The following CHM variants were observed in gnomAD, a reference collection of about 807,000 sequenced individuals.
CHM encodes the protein CHM Rab escort protein.
In CHM, 10 loss-of-function variants were observed where a neutral mutation model predicts 49.0. That is an observed-to-expected ratio of 0.20 (90% CI 0.13 to 0.35). The LOEUF (loss-of-function observed/expected upper bound fraction) is 0.35. CHM is among the 10% of genes least tolerant of loss of function. The pLI is 1.00. For missense variants in CHM, 455 were observed against 478.4 expected (o/e 0.95, Z 0.46); for synonymous variants, 184 against 167.5 (o/e 1.10, Z -0.76).
At chrX:86,022,603 G>C (rs1933653427) in intron 2 of CHM, among the ~76,000 whole-genome samples, 1 of 110,801 alleles carries the variant, frequency 9.0e-6, no homozygotes, top group African/African-American at 3.3e-5. Flanking sequence ...TGCCTGTTTT[G>C]TGTTTCACTA....
At chrX:85,977,712 G>A (rs764924149) in intron 4 of CHM, among the ~76,000 whole-genome samples, 1 of 111,785 alleles carries the variant, frequency 8.9e-6, no homozygotes, top group African/African-American at 3.2e-5. Flanking sequence ...TTCAGCACTG[G>A]CTCTGAAGAA....
chrX:86,014,562 T>G (rs1405939601), intron 2 of CHM, among the ~76,000 whole-genome samples: 1 of 112,797 alleles, frequency 8.9e-6, no homozygotes, highest in Non-Finnish European at 1.9e-5. Context: ...GAAGGTGAAA[T>G]CAAGACACTG....
intron 4 of CHM, among the ~76,000 whole-genome samples, chrX:85,976,070 T>A (rs1931238364): frequency 8.9e-6 from 1 of 112,026 alleles, no homozygotes; most frequent in Non-Finnish European, 1.9e-5. Context: ...TCATTTTTAA[T>A]ACTCATCTTT....
intron 7 of CHM, 86 bp downstream of exon 7, chrX:85,957,769 T>A: frequency 9.0e-7 from 1 of 1,113,559 alleles, no homozygotes; most frequent in Non-Finnish European, 1.2e-6. Context: ...AAAACAGTAA[T>A]AAGTGGCTCA....
rs185251868 is a variant in CHM, at chrX:85,887,679, C to T, written c.1510+6509G>A. 2.7e-5 allele frequency among the ~76,000 whole-genome samples: 3 copies of T among 111,226 alleles called. No homozygotes were observed. The East Asian group carries it at 8.6e-4, about 32-fold the overall frequency. ...ATAGATAGTTGTTTAATGGCTTTGA[C>T]CAAAATGTTGATAATGATATGGACA... On this transcript the variant is annotated intron_variant, in intron 12 of 14. Coordinates refer to ENST00000357749, the MANE Select transcript of CHM (RefSeq NM_000390.4).
intron 8 of CHM, among the ~76,000 whole-genome samples, chrX:85,913,266 A>T (rs1927170194): frequency 2.2e-5 from 2 of 89,525 alleles, no homozygotes; most frequent in African/African-American, 4.1e-5. Flanking sequence ...CAGTGAGCTG[A>T]GATTGTGCCA....
At chrX:85,979,420 G>T (rs1931470529) in intron 3 of CHM, among the ~76,000 whole-genome samples, 1 of 110,891 alleles carries the variant, frequency 9.0e-6, no homozygotes, top group Non-Finnish European at 1.9e-5. Flanking sequence ...ATAACTAAGG[G>T]CTTTATAATA....
At chrX:85,947,766 C>T (rs1369483330) in intron 8 of CHM, among the ~76,000 whole-genome samples, 2 of 112,048 alleles carry the variant, frequency 1.8e-5, no homozygotes, top group African/African-American at 6.5e-5. Flanking sequence ...ACACAATTTC[C>T]TATAAATCTC....
At chrX:85,973,023 G>A (rs765151712) in intron 4 of CHM, among the ~76,000 whole-genome samples, 17 of 110,846 alleles carry the variant, frequency 1.5e-4, no homozygotes, top group Non-Finnish European at 2.3e-4. Flanking sequence ...ACCATAGGCC[G>A]GGCGCGGTGG....
At chrX:85,980,722 A>G (rs980003460) in intron 3 of CHM, among the ~76,000 whole-genome samples, 5 of 111,832 alleles carry the variant, frequency 4.5e-5, no homozygotes, top group African/African-American at 1.6e-4. Context: ...ACCAATCTGC[A>G]TAAGAGTAGG....
intron 1 of CHM, among the ~76,000 whole-genome samples, chrX:86,043,640 G>A (rs751030274): frequency 1.6e-3 from 181 of 110,643 alleles, no homozygotes; most frequent in African/African-American, 4.6e-3. Flanking sequence ...GGGAGGCTGA[G>A]GTTTCAAACT....
intron 3 of CHM, among the ~76,000 whole-genome samples, chrX:85,980,528 AAATC>A (rs1931532699): frequency 8.9e-6 from 1 of 112,377 alleles, no homozygotes; most frequent in Non-Finnish European, 1.9e-5. Context: ...TACATTGATT[AAATC>A]AATCAATCAA....
intron 1 of CHM, among the ~76,000 whole-genome samples, chrX:86,043,923 ATG>A (rs994918823): frequency 1.1e-4 from 12 of 111,156 alleles, no homozygotes; most frequent in Middle Eastern, 9.2e-3. Context: ...AAAAGAATAT[ATG>A]TGTTTATCCT....
intron 2 of CHM, among the ~76,000 whole-genome samples, chrX:86,002,190 A>G (rs1932754844): frequency 8.9e-6 from 1 of 112,188 alleles, no homozygotes. Flanking sequence ...TCCTCTCTGA[A>G]AGCTGGAACC....
chrX:85,973,298 GACAAAAAAAAAAA>G (rs1431742170), intron 4 of CHM, among the ~76,000 whole-genome samples: 1 of 3,899 alleles, frequency 2.6e-4, no homozygotes. Context: ...ACTCTGTCTC[GACAAAAAAAAAAA>G]AAAAAAAAAA....
At chrX:85,921,782 T>C (rs746456978) in intron 8 of CHM, among the ~76,000 whole-genome samples, 14 of 112,729 alleles carry the variant, frequency 1.2e-4, no homozygotes, top group African/African-American at 4.2e-4. Flanking sequence ...ACTATATTCA[T>C]ACATATGCAT....
At chrX:85,976,410 C>T (rs1375835832) in intron 4 of CHM, among the ~76,000 whole-genome samples, 2 of 111,383 alleles carry the variant, frequency 1.8e-5, no homozygotes, top group Non-Finnish European at 3.8e-5. Flanking sequence ...ATCACGAGGT[C>T]AGGAGATCGA....
rs148617691 is a variant in CHM, at chrX:85,956,285, G to A, written c.1034C>T (p.Ser345Leu). 2 of 1,209,692 alleles carry A rather than the reference G, an allele frequency of 1.7e-6. No homozygotes were observed. Among genetic ancestry groups the A allele is most frequent in the African/African-American group, 3.5e-5 (2 of 57,161 alleles). ...ATCTATGGTGCTGCTGGCTGTCTCTGATGTCATTGCAATTGAATGCATGAC... is the reference window on the plus strand; with the variant it reads ...ATCTATGGTGCTGCTGGCTGTCTCTAATGTCATTGCAATTGAATGCATGAC... Reference protein sequence around the residue: ...YIVMHSIAMTSETASSTIDGL... With the variant: ...YIVMHSIAMTLETASSTIDGL... Residue 345 changes from serine (S) to leucine (L), a missense_variant, in exon 8 of 15, where the codon TCA (serine) becomes TTA (leucine). Physicochemically the swap from Ser to Leu is moderately radical, Grantham distance 145 (BLOSUM62 -2). Coordinates refer to ENST00000357749, the MANE Select transcript of CHM (RefSeq NM_000390.4).
chrX:85,998,950 T>C (rs1013488009), intron 2 of CHM, among the ~76,000 whole-genome samples: 1 of 111,630 alleles, frequency 9.0e-6, no homozygotes, highest in African/African-American at 3.3e-5. Flanking sequence ...CTTGAATTCT[T>C]ATGACAAGCA....
Sources: gnomAD v4.1 joint callset for allele counts (sites outside exome capture counted in the v4.1 genomes callset) on GRCh38, gnomAD v4.1.1 for gene constraint, MANE v1.5 for transcripts, NCBI Gene and HGNC (gene_info 2026-07-23, HGNC 2026-07-21) for gene names.